RIPK2: variants seen among roughly 807,000 people sequenced by gnomAD.
The protein encoded by RIPK2 is receptor interacting serine/threonine kinase 2, also known as receptor-interacting serine/threonine-protein kinase 2.
Under a neutral mutation model 60.9 loss-of-function variants are expected in RIPK2, and 38 were observed. That is an observed-to-expected ratio of 0.62 (90% confidence interval 0.48 to 0.82). RIPK2 has a LOEUF of 0.82. Ranked by LOEUF, RIPK2 falls within the 40% of genes least tolerant of loss-of-function variation. The probability of loss-of-function intolerance (pLI) is 0.00; values close to 1 mark genes in which losing one functional copy is unlikely to be tolerated. For synonymous variants in RIPK2, 225 were observed against 223.4 expected, an observed-to-expected ratio of 1.01 and a Z score of -0.06; for missense variants, 518 against 647.0, an observed-to-expected ratio of 0.80 and a Z score of 2.16.
intron 4 of RIPK2, 103 bp downstream of exon 4, chr8:89,770,032 T>C: frequency 1.1e-6 from 1 of 927,324 alleles, no homozygotes; most frequent in Non-Finnish European, 1.6e-6. Context: ...TTTATTCTTC[T>C]CTCATAATTG....
intron 3 of RIPK2, among the ~76,000 whole-genome samples, chr8:89,765,869 A>G (rs1052742138): frequency 9.9e-5 from 15 of 151,932 alleles, no homozygotes; most frequent in Admixed American, 4.6e-4. Context: ...TATCACACAT[A>G]ATTATAGTAT....
In RIPK2 at chr8:89,789,416, T is replaced by C. The variant is rs994836045; in HGVS notation, c.1219T>C (p.Cys407Arg). ...TTCTGGATCTCAAAGGGCTGCATTC[T>C]GTGATCACAAGACCACTCCATGCTC... ...TISGSQRAAFCDHKTTPCSSA... is the reference protein window; with the variant it reads ...TISGSQRAAFRDHKTTPCSSA... The change falls in exon 10 of 11, where the codon TGT becomes CGT. Residue 407 changes from cysteine to arginine, a missense_variant. By Grantham distance (180) the Cys-to-Arg change is radical. This residue lies in a region of RIPK2 where 448 missense variants were observed against 534.7 expected (regional missense o/e 0.84). Transcript: ENST00000220751. The C allele has an allele frequency of 1.1e-5, 17 of 1,614,020 alleles. No individual in the cohort carries two copies. In the Admixed American group the frequency reaches 1.8e-4, roughly 17 times the overall value.
At chr8:89,785,111 T>C (rs139003152) in intron 8 of RIPK2, among the ~76,000 whole-genome samples, 88 of 152,212 alleles carry the variant, frequency 5.8e-4, no homozygotes, top group African/African-American at 2.1e-3. Context: ...CAATGTGAGA[T>C]TTAGTGGGGA....
rs145212244 is a variant in RIPK2, at chr8:89,788,075, C to T, written c.1124-1246C>T. On this transcript the variant is annotated intron_variant, in intron 9 of 10. Transcript: ENST00000220751. ...AGTTAAAACAGGCTGCATGCGGTGG[C>T]TCACACCTGTAATCCCAGCATTTTG... Among the ~76,000 whole-genome samples the T allele has an allele frequency of 6.4e-3, 971 of 152,294 alleles. 16 individuals are homozygous for T. The highest frequency in any genetic ancestry group is 0.022 in the African/African-American group (924 of 41,552).
intron 3 of RIPK2, among the ~76,000 whole-genome samples, chr8:89,768,784 A>G (rs1424844845): frequency 2.0e-5 from 3 of 151,458 alleles, no homozygotes; most frequent in African/African-American, 7.3e-5. Flanking sequence ...GGAGGCCATA[A>G]TTTTTTTTAT....
chr8:89,778,433 C>G (rs1790798866), intron 6 of RIPK2, among the ~76,000 whole-genome samples: 1 of 152,144 alleles, frequency 6.6e-6, no homozygotes, highest in Non-Finnish European at 1.5e-5. Flanking sequence ...TCCATCACCC[C>G]CTACAAAATC....
intron 6 of RIPK2, among the ~76,000 whole-genome samples, chr8:89,776,754 T>TTA (rs1487206740): frequency 6.6e-6 from 1 of 152,174 alleles, no homozygotes; most frequent in Non-Finnish European, 1.5e-5. Context: ...GAAGTGGTAT[T>TTA]TAGTGTCTAG....
chr8:89,786,555 T>C (rs1426345851), intron 8 of RIPK2, 38 bp from the exon 9 acceptor site: 1 of 1,116,196 alleles, frequency 9.0e-7, no homozygotes, highest in East Asian at 2.4e-5. Context: ...CTCGATAATT[T>C]TTATTAACCT....
In RIPK2 at chr8:89,780,304, G is replaced by A. The variant is rs542294817; in HGVS notation, c.939+144G>A. On this transcript the variant is annotated intron_variant, in intron 7 of 10. Coordinates refer to ENST00000220751, the MANE Select transcript of RIPK2 (RefSeq NM_003821.6). Reference sequence around the variant, plus strand: ...TTTTGGAGTGAGAAAATTTACCAGAGACTATGAATACTACTTTTCCTTTGT... The same window carrying A: ...TTTTGGAGTGAGAAAATTTACCAGAAACTATGAATACTACTTTTCCTTTGT... The A allele has an allele frequency of 2.3e-5, 10 of 443,052 alleles. No homozygotes were observed. In the South Asian group the frequency reaches 3.6e-4, roughly 16 times the overall value. The allele number at this position is 443,052 out of a possible 1,614,324, so 27.4% of individuals were successfully genotyped here.
At chr8:89,760,867 T>G (rs1809132866) in intron 1 of RIPK2, among the ~76,000 whole-genome samples, 1 of 151,798 alleles carries the variant, frequency 6.6e-6, no homozygotes, top group Admixed American at 6.6e-5. Flanking sequence ...CAGCATGCAC[T>G]CTCTATTGTT....
intron 4 of RIPK2, among the ~76,000 whole-genome samples, chr8:89,770,716 T>A (rs919767725): frequency 4.6e-5 from 7 of 151,960 alleles, no homozygotes; most frequent in Admixed American, 3.3e-4. Context: ...GAATGCTATA[T>A]CTCTACCAGA....
chr8:89,787,113 G>A lies in RIPK2; in HGVS notation c.1123+427G>A, dbSNP rs183497446. Among the ~76,000 whole-genome samples the A allele has an allele frequency of 3.9e-5, 6 of 152,120 alleles. No homozygotes were observed. The East Asian group carries it at 5.8e-4, about 15-fold the overall frequency. ...CCTGGGAGGGAGGTTGCAGTGAGCC[G>A]AGATTGCACCACCACACTCCATCCT... On this transcript the variant is annotated intron_variant, in intron 9 of 10. Transcript: ENST00000220751.
intron 1 of RIPK2, among the ~76,000 whole-genome samples, chr8:89,760,515 C>T (rs775380844): frequency 8.5e-5 from 13 of 152,086 alleles, no homozygotes; most frequent in Non-Finnish European, 1.8e-4. Flanking sequence ...AAAAATTTCC[C>T]ACTCACTCAA....
At chr8:89,766,203 C>T (rs189240966) in intron 3 of RIPK2, among the ~76,000 whole-genome samples, 167 of 151,884 alleles carry the variant, frequency 1.1e-3, no homozygotes, top group African/African-American at 3.9e-3. Context: ...AAGTAGTATT[C>T]CACAGTATAA....
intron 7 of RIPK2, among the ~76,000 whole-genome samples, chr8:89,781,688 T>G (rs985077378): frequency 6.6e-5 from 10 of 152,130 alleles, no homozygotes; most frequent in Non-Finnish European, 1.5e-4. Flanking sequence ...GCATGGGAGA[T>G]ACATTCCAAG....
chr8:89,779,639 T>C (rs1214496852), intron 6 of RIPK2, among the ~76,000 whole-genome samples: 1 of 152,072 alleles, frequency 6.6e-6, no homozygotes, highest in Non-Finnish European at 1.5e-5. Flanking sequence ...AGTTTTTTAA[T>C]GGATTTCATT....
At chr8:89,781,354 A>ATT (rs58525879) in intron 7 of RIPK2, among the ~76,000 whole-genome samples, 2 of 143,960 alleles carry the variant, frequency 1.4e-5, no homozygotes, top group Non-Finnish European at 1.5e-5. Flanking sequence ...AATAGATTGA[A>ATT]TTTTTTTTTT....
At chr8:89,765,289 A>G (rs1462021631) in intron 2 of RIPK2, 52 bp from the exon 3 acceptor site, 12 of 1,305,372 alleles carry the variant, frequency 9.2e-6, no homozygotes, top group South Asian at 2.5e-5. Context: ...AGTGTGAAAC[A>G]TAGTGAAATT....
chr8:89,775,603 G>A (rs541982550), intron 6 of RIPK2, among the ~76,000 whole-genome samples: 2 of 152,306 alleles, frequency 1.3e-5, no homozygotes, highest in South Asian at 4.1e-4. Context: ...TGGAGAGGTG[G>A]AGGAAATGGT....
Sources: gnomAD v4.1 joint callset for allele counts (sites outside exome capture counted in the v4.1 genomes callset) on GRCh38, gnomAD v4.1.1 for gene constraint, gnomAD v4.1.1 regional missense constraint, MANE v1.5 for transcripts, NCBI Gene and HGNC (gene_info 2026-07-23, HGNC 2026-07-21) for gene names.